The following C1QTNF3 variants were observed in gnomAD, a reference collection of about 807,000 sequenced individuals.
The protein encoded by C1QTNF3 is complement C1q tumor necrosis factor-related protein 3.
Under a neutral mutation model 32.6 loss-of-function variants are expected in C1QTNF3, and 26 were observed. The observed-to-expected ratio is 0.80, with a 90% CI of 0.58 to 1.11. The LOEUF (loss-of-function observed/expected upper bound fraction) is 1.11. Among genes scored for constraint, C1QTNF3 ranks in the 50% least tolerant of loss-of-function variants. The probability of loss-of-function intolerance (pLI) is 0.00; values close to 1 mark genes in which losing one functional copy is unlikely to be tolerated. For missense variants in C1QTNF3, 362 were observed against 398.2 expected, an observed-to-expected ratio of 0.91 and a Z score of 0.77; for synonymous variants, 155 against 146.0, an observed-to-expected ratio of 1.06 and a Z score of -0.44.
At chr5:34,056,503 GA>G in the C1QTNF3 span, among the ~76,000 whole-genome samples, 1 of 137,916 alleles carries the variant, frequency 7.3e-6, no homozygotes, top group Non-Finnish European at 1.5e-5. Context: ...GAGAGAGAGA[GA>G]GAGAGAGAGA....
the C1QTNF3 span, among the ~76,000 whole-genome samples, chr5:34,123,157 A>T: frequency 6.6e-6 from 1 of 152,212 alleles, no homozygotes; most frequent in African/African-American, 2.4e-5. Context: ...CCCACCTCAG[A>T]GAACTGCCAT....
At chr5:34,120,839 A>G in the C1QTNF3 span, among the ~76,000 whole-genome samples, 4 of 152,212 alleles carry the variant, frequency 2.6e-5, no homozygotes, top group Admixed American at 6.5e-5. Flanking sequence ...TATCAGCAGC[A>G]GCATGAAAAC....
the C1QTNF3 span, chr5:34,218,442 G>A: frequency 2.0e-5 from 3 of 150,652 alleles, no homozygotes. Flanking sequence ...AGGCCATCAT[G>A]ACTGCTCTCT....
At chr5:34,029,655 G>A (rs944056842) in intron 3 of C1QTNF3, among the ~76,000 whole-genome samples, 1 of 152,170 alleles carries the variant, frequency 6.6e-6, no homozygotes, top group Non-Finnish European at 1.5e-5. Flanking sequence ...ATATCTGCAA[G>A]AATATTCTTG....
chr5:34,216,489 T>G, the C1QTNF3 span, among the ~76,000 whole-genome samples: 1 of 152,190 alleles, frequency 6.6e-6, no homozygotes, highest in Non-Finnish European at 1.5e-5. Context: ...ACTTGAAAAT[T>G]TGTACCGATA....
chr5:34,170,531 G>A, the C1QTNF3 span, among the ~76,000 whole-genome samples: 3 of 152,108 alleles, frequency 2.0e-5, no homozygotes, highest in Non-Finnish European at 2.9e-5. Flanking sequence ...TGACAGTATC[G>A]GGGGTGTTTG....
At chr5:34,137,077 C>A in the C1QTNF3 span, among the ~76,000 whole-genome samples, 1 of 150,908 alleles carries the variant, frequency 6.6e-6, no homozygotes, top group East Asian at 1.9e-4. Flanking sequence ...AGCAAACCAA[C>A]ACGGCACAGG....
At chr5:34,084,817 T>TTTTTTTTA in the C1QTNF3 span, among the ~76,000 whole-genome samples, 1 of 112,702 alleles carries the variant, frequency 8.9e-6, no homozygotes, top group African/African-American at 4.3e-5. Context: ...TTGTTTTTTT[T>TTTTTTTTA]CTGTGCAGAA....
At chr5:34,174,587 T>C in the C1QTNF3 span, among the ~76,000 whole-genome samples, 2 of 152,154 alleles carry the variant, frequency 1.3e-5, no homozygotes, top group Admixed American at 6.5e-5. Context: ...AGTAATGTAT[T>C]GTAACTCCCG....
At chr5:34,060,337 C>T in the C1QTNF3 span, among the ~76,000 whole-genome samples, 2 of 152,156 alleles carry the variant, frequency 1.3e-5, no homozygotes, top group East Asian at 3.9e-4. Flanking sequence ...AGGCTATATA[C>T]TATAGCCTAT....
chr5:34,072,176 T>TG, the C1QTNF3 span, among the ~76,000 whole-genome samples: 2 of 151,554 alleles, frequency 1.3e-5, no homozygotes, highest in African/African-American at 4.9e-5. Context: ...GCTGGGGGAA[T>TG]GGGGTCTCCC....
the C1QTNF3 span, among the ~76,000 whole-genome samples, chr5:34,241,678 A>G: frequency 6.6e-6 from 1 of 151,872 alleles, no homozygotes; most frequent in Non-Finnish European, 1.5e-5. Context: ...CGAGGCAGGT[A>G]TATCGCTTGG....
the C1QTNF3 span, among the ~76,000 whole-genome samples, chr5:34,174,146 C>A: frequency 2.2e-3 from 342 of 152,334 alleles, 1 homozygote; most frequent in Non-Finnish European, 1.2e-3. Flanking sequence ...CAGCCTCCGC[C>A]TCCGAGGTTT....
intron 3 of C1QTNF3, among the ~76,000 whole-genome samples, chr5:34,032,020 T>C (rs1443862218): frequency 1.3e-5 from 2 of 152,252 alleles, no homozygotes; most frequent in East Asian, 1.9e-4. Context: ...AGAATCGCTT[T>C]ATAGTCTAGT....
the C1QTNF3 span, among the ~76,000 whole-genome samples, chr5:34,054,094 C>T: frequency 6.6e-6 from 1 of 152,196 alleles, no homozygotes; most frequent in Admixed American, 6.5e-5. Flanking sequence ...TTTGCTTCTG[C>T]ACACTGCCCA....
the C1QTNF3 span, among the ~76,000 whole-genome samples, chr5:34,179,976 A>C: frequency 1.3e-5 from 2 of 152,266 alleles, no homozygotes; most frequent in African/African-American, 4.8e-5. Context: ...GAACCCCAGC[A>C]CTTTGGGAGG....
chr5:34,058,111 C>T, the C1QTNF3 span, among the ~76,000 whole-genome samples: 39 of 152,220 alleles, frequency 2.6e-4, no homozygotes, highest in South Asian at 8.3e-4. Context: ...TGTTACAGCA[C>T]GAAGAACAGC....
chr5:34,052,862 A>C, the C1QTNF3 span, among the ~76,000 whole-genome samples: 1 of 152,224 alleles, frequency 6.6e-6, no homozygotes, highest in Non-Finnish European at 1.5e-5. Flanking sequence ...TTGAGTCATT[A>C]AACCTATTAA....
chr5:34,062,061 CTACCAGA>C, the C1QTNF3 span, among the ~76,000 whole-genome samples: 11 of 152,332 alleles, frequency 7.2e-5, no homozygotes, highest in East Asian at 1.9e-3. Flanking sequence ...GAAATTTCTT[CTACCAGA>C]TACCCTAAAT....
Sources: allele counts gnomAD v4.1 joint callset (sites outside exome capture counted in the v4.1 genomes callset), GRCh38; gene constraint gnomAD v4.1.1; transcripts MANE v1.5; gene names NCBI Gene and HGNC (gene_info 2026-07-23, HGNC 2026-07-21).